Variants in AGAP1 observed in about 807,000 individuals in gnomAD.
AGAP1 encodes ArfGAP with GTPase domain, ankyrin repeat and PH domain 1.
A neutral mutation model predicts 105.3 loss-of-function variants in AGAP1; 29 were observed. The ratio of observed to expected loss-of-function variants is 0.28; its 90% CI spans 0.21 to 0.38. The LOEUF (loss-of-function observed/expected upper bound fraction) is 0.38. Ranked by LOEUF, AGAP1 falls within the 10% of genes least tolerant of loss-of-function variation. The pLI is 1.00. For missense variants in AGAP1, 998 were observed against 1,165.1 expected, an observed-to-expected ratio of 0.86 and a Z score of 2.09; for synonymous variants, 509 against 485.9, an observed-to-expected ratio of 1.05 and a Z score of -0.63.
rs898484259 is a variant in AGAP1 at position 235,864,672 on chromosome 2, C to A, written c.1051-18673C>A. Among the ~76,000 whole-genome samples, 1 of 151,954 alleles carries A rather than the reference C, an allele frequency of 6.6e-6. No homozygotes were observed. Among genetic ancestry groups the A allele is most frequent in the African/African-American group, 2.4e-5 (1 of 41,350 alleles). On this transcript the variant is annotated intron_variant, in intron 9 of 17. Transcript: ENST00000304032. The surrounding 1 kb of genome is among the most constrained non-coding windows in gnomAD (Gnocchi z 5.0). The stretch of plus-strand genomic sequence containing the variant: ...AGAGTGAAAGGAAAGAAAAACGAGG[C>A]GATCAAGAGATAATATTAACTAGAA...
At position 235,964,441 on chromosome 2, in the gene AGAP1, C is replaced by T. The variant is rs958610462; in HGVS notation, c.1484-4021C>T. Among the ~76,000 whole-genome samples the T allele has an allele frequency of 6.6e-6, 1 of 151,936 alleles. No individual in the cohort carries two copies. The highest frequency in any genetic ancestry group is 2.4e-5 in the African/African-American group (1 of 41,354). ...GGCACCATACCTGGCAAAGTGGGCT[C>T]CTAACACTGAATAGAGAGGATGGGA... On this transcript the variant is annotated intron_variant, in intron 12 of 17. Transcript: ENST00000304032. The surrounding 1 kb of genome is among the most constrained non-coding windows in gnomAD (Gnocchi z 4.6).
At chr2:235,762,027 T>G (rs1954483989) in intron 6 of AGAP1, among the ~76,000 whole-genome samples, 2 of 150,698 alleles carry the variant, frequency 1.3e-5, no homozygotes, top group African/African-American at 4.9e-5. Flanking sequence ...GAGAATCGAT[T>G]GAACCCAGGA....
chr2:235,747,976 C>G lies in AGAP1; in HGVS notation c.539-2378C>G, dbSNP rs960190926. Among the ~76,000 whole-genome samples the G allele has an allele frequency of 1.3e-5, 2 of 152,368 alleles. No individual in the cohort carries two copies. The highest frequency in any genetic ancestry group is 3.9e-4 in the East Asian group (2 of 5,184). On this transcript the variant is annotated intron_variant, in intron 5 of 17. Coordinates refer to ENST00000304032, the MANE Select transcript of AGAP1 (RefSeq NM_001037131.3). This position sits in a 1 kb window ranked among gnomAD's most constrained non-coding sequence, Gnocchi z 5.0. ...GCAGCTCTGCCAGCAGGAGCTCTTTCTGGGCAGTAGCCAAGGACTGCACGA... is the reference window on the plus strand; with the variant it reads ...GCAGCTCTGCCAGCAGGAGCTCTTTGTGGGCAGTAGCCAAGGACTGCACGA...
At position 235,566,421 on chromosome 2, in the gene AGAP1, G is replaced by A. The variant is rs551513779; in HGVS notation, c.163+71572G>A. 1.0e-3 allele frequency among the ~76,000 whole-genome samples: 153 copies of A among 152,242 alleles called. No homozygotes were observed. Among genetic ancestry groups the A allele is most frequent in the African/African-American group, 3.3e-3 (136 of 41,542 alleles). ...GTCAACGGCAGACTGAAGGACTGCC[G>A]CATGCATAGCTGCTATTATTAACTC... On this transcript the variant is annotated intron_variant, in intron 1 of 17. Transcript: ENST00000304032. This position sits in a 1 kb window ranked among gnomAD's most constrained non-coding sequence, Gnocchi z 5.2.
intron 1 of AGAP1, among the ~76,000 whole-genome samples, chr2:235,532,749 A>C (rs1943085791): frequency 1.3e-5 from 2 of 152,238 alleles, no homozygotes; most frequent in Non-Finnish European, 2.9e-5. Flanking sequence ...AAAGAAAACC[A>C]AGAGCTCCTA....
intron 16 of AGAP1, among the ~76,000 whole-genome samples, chr2:236,086,401 G>C (rs1869295): frequency 0.25 from 37,956 of 152,108 alleles, 4,939 homozygotes; most frequent in South Asian, 0.33. Context: ...TAGTTGCACA[G>C]TGTATATTGT....
intron 1 of AGAP1, among the ~76,000 whole-genome samples, chr2:235,606,569 A>G (rs1045312142): frequency 2.2e-5 from 3 of 134,346 alleles, no homozygotes; most frequent in Non-Finnish European, 4.4e-5. Context: ...TCGAAAGCCA[A>G]TCCTGAGTCA....
At chr2:235,539,892 A>G (rs1943376657) in intron 1 of AGAP1, among the ~76,000 whole-genome samples, 1 of 152,152 alleles carries the variant, frequency 6.6e-6, no homozygotes. Context: ...TAGGAAAACA[A>G]GCCCTTTTAG....
intron 1 of AGAP1, among the ~76,000 whole-genome samples, chr2:235,575,040 T>C (rs1685793392): frequency 6.6e-6 from 1 of 152,022 alleles, no homozygotes; most frequent in Non-Finnish European, 1.5e-5. Context: ...GGATGATCGC[T>C]GGAGCTTGGG....
intron 1 of AGAP1, among the ~76,000 whole-genome samples, chr2:235,687,899 C>CT (rs10670064): frequency 0.41 from 36,958 of 89,498 alleles, 10,687 homozygotes; most frequent in South Asian, 0.71. Context: ...CGCTCTCTGA[C>CT]TTTTTTTTTT....
intron 11 of AGAP1, among the ~76,000 whole-genome samples, chr2:235,911,947 A>G (rs2051638931): frequency 6.6e-6 from 1 of 152,238 alleles, no homozygotes. Context: ...AAAGTGCCTC[A>G]CGGCCACAGC....
At chr2:235,537,901 A>G (rs1402991960) in intron 1 of AGAP1, among the ~76,000 whole-genome samples, 1 of 152,168 alleles carries the variant, frequency 6.6e-6, no homozygotes, top group Non-Finnish European at 1.5e-5. Flanking sequence ...TTCTGTCATC[A>G]GAATATCTGG....
intron 1 of AGAP1, among the ~76,000 whole-genome samples, chr2:235,580,035 TATA>T (rs1272391692): frequency 6.6e-6 from 1 of 152,222 alleles, no homozygotes; most frequent in Non-Finnish European, 1.5e-5. Context: ...TTTCCCTTAA[TATA>T]ATGTTTTTGA....
intron 16 of AGAP1, among the ~76,000 whole-genome samples, chr2:236,110,431 T>A (rs2125934120): frequency 6.6e-6 from 1 of 151,208 alleles, no homozygotes; most frequent in South Asian, 2.1e-4. Context: ...GGCGTGGTGA[T>A]GTGCACCTGT....
At chr2:235,835,557 C>T (rs1022784792) in intron 9 of AGAP1, among the ~76,000 whole-genome samples, 4 of 152,192 alleles carry the variant, frequency 2.6e-5, no homozygotes, top group African/African-American at 9.7e-5. Context: ...GGCCTCTTAG[C>T]ACTTTGTCCA....
chr2:235,949,653 G>A (rs960972970), intron 12 of AGAP1, among the ~76,000 whole-genome samples: 1 of 152,136 alleles, frequency 6.6e-6, no homozygotes, highest in Non-Finnish European at 1.5e-5. Context: ...GCTTATGAGC[G>A]CCATGCTCTT....
intron 1 of AGAP1, among the ~76,000 whole-genome samples, chr2:235,681,004 GC>G (rs946364180): frequency 4.6e-5 from 7 of 151,826 alleles, no homozygotes; most frequent in African/African-American, 1.7e-4. Flanking sequence ...GAAAATTCTA[GC>G]CCCCCCTCCC....
chr2:235,494,966 C>A, intron 1 of AGAP1, 117 bp downstream of exon 1: 3 of 1,019,784 alleles, frequency 2.9e-6, no homozygotes, highest in South Asian at 2.2e-5. Context: ...GCGGCTGCTC[C>A]GCCGAGGGAG....
At chr2:235,895,042 C>T (rs1311488765) in intron 10 of AGAP1, among the ~76,000 whole-genome samples, 2 of 152,176 alleles carry the variant, frequency 1.3e-5, no homozygotes, top group Non-Finnish European at 2.9e-5. Context: ...GGAATTCATC[C>T]AGAATGACGC....
Sources: allele counts gnomAD v4.1 joint callset (sites outside exome capture counted in the v4.1 genomes callset), GRCh38; gene constraint gnomAD v4.1.1; non-coding constraint Gnocchi (gnomAD v3.1); transcripts MANE v1.5; gene names NCBI Gene and HGNC (gene_info 2026-07-23, HGNC 2026-07-21).